Variants in TMEM132D observed in about 807,000 individuals in gnomAD.
TMEM132D encodes the protein transmembrane protein 132D.
Under a neutral mutation model 62.3 loss-of-function variants are expected in TMEM132D, and 21 were observed. The ratio of observed to expected loss-of-function variants is 0.34; its 90% CI spans 0.24 to 0.49. The LOEUF (loss-of-function observed/expected upper bound fraction) is 0.49. Ranked by LOEUF, TMEM132D falls within the 20% of genes least tolerant of loss-of-function variation. The pLI is 0.99. For synonymous variants in TMEM132D, 621 were observed against 575.6 expected, an observed-to-expected ratio of 1.08 and a Z score of -1.13; for missense variants, 1,346 against 1,402.8, an observed-to-expected ratio of 0.96 and a Z score of 0.65.
chr12:129,319,393 G>T (rs751938377), intron 4 of TMEM132D, among the ~76,000 whole-genome samples: 3 of 152,196 alleles, frequency 2.0e-5, no homozygotes, highest in Non-Finnish European at 4.4e-5. Flanking sequence ...GGGGGTGTGT[G>T]TTTGGGAGAG....
chr12:129,654,193 G>A (rs958338836), intron 2 of TMEM132D, among the ~76,000 whole-genome samples: 3 of 151,924 alleles, frequency 2.0e-5, no homozygotes, highest in African/African-American at 7.3e-5. Flanking sequence ...TGGCCACTGG[G>A]AGCTCTTTCC....
intron 3 of TMEM132D, among the ~76,000 whole-genome samples, chr12:129,477,351 C>G (rs1874294355): frequency 6.6e-6 from 1 of 152,200 alleles, no homozygotes; most frequent in Non-Finnish European, 1.5e-5. Flanking sequence ...TTGACATACA[C>G]CGATCTCATC....
At chr12:129,269,636 G>T (rs976020096) in intron 4 of TMEM132D, among the ~76,000 whole-genome samples, 1 of 152,114 alleles carries the variant, frequency 6.6e-6, no homozygotes, top group African/African-American at 2.4e-5. Context: ...AGGATAGGAT[G>T]ACCCACGAAG....
rs558267235 is a variant in TMEM132D at position 129,480,453 on chromosome 12, A to G, written c.1115+50606T>C. On this transcript the variant is annotated intron_variant, in intron 3 of 8. Transcript: ENST00000422113. ...ATGCAGGGAGCAGACAGGGAAGGAC[A>G]AAGCTCAGCTAGGCGGTCCTTGGTC... 2.0e-5 allele frequency among the ~76,000 whole-genome samples: 3 copies of G among 152,374 alleles called. No individual in the cohort carries two copies. The South Asian group carries it at 6.2e-4, about 32-fold the overall frequency.
At chr12:129,102,001 T>C (rs1305043024) in intron 5 of TMEM132D, among the ~76,000 whole-genome samples, 1 of 88,750 alleles carries the variant, frequency 1.1e-5, no homozygotes, top group Non-Finnish European at 2.0e-5. Context: ...TTTTTTTTTC[T>C]CTCTCTCTCT....
At chr12:129,602,642 T>C (rs1016574802) in intron 2 of TMEM132D, among the ~76,000 whole-genome samples, 44 of 152,040 alleles carry the variant, frequency 2.9e-4, no homozygotes, top group Admixed American at 2.8e-3. Flanking sequence ...TTCAGAGCAG[T>C]TATAAGTTCA....
intron 3 of TMEM132D, among the ~76,000 whole-genome samples, chr12:129,511,499 T>C (rs1875495407): frequency 1.3e-5 from 2 of 152,364 alleles, no homozygotes; most frequent in African/African-American, 4.8e-5. Flanking sequence ...TTTGTCAGTC[T>C]TTTAAAATTT....
At chr12:129,443,606 A>C (rs1170535335) in intron 3 of TMEM132D, among the ~76,000 whole-genome samples, 1 of 149,926 alleles carries the variant, frequency 6.7e-6, no homozygotes. Context: ...TATTCTTTCC[A>C]TCTCCATTTC....
chr12:129,073,799 C>A lies in TMEM132D; in HGVS notation c.*76G>T. 3.1e-6 allele frequency: 4 copies of A among 1,303,186 alleles called. No individual in the cohort carries two copies. The highest frequency in any genetic ancestry group is 4.2e-6 in the Non-Finnish European group (4 of 942,862). 80.7% of individuals were successfully genotyped at this position (1,303,186 alleles called of 1,614,324 possible). On this transcript the variant is annotated 3_prime_UTR_variant, in exon 9 of 9. Transcript: ENST00000422113. The stretch of plus-strand genomic sequence containing the variant: ...TTGTCCTGCTGCTTTGTTTCTCTTC[C>A]GGGGGCACCGTTGCTACACATCCTG...
intron 5 of TMEM132D, among the ~76,000 whole-genome samples, chr12:129,112,890 TGCTGTGA>T (rs1875767404): frequency 1.3e-5 from 2 of 152,322 alleles, no homozygotes; most frequent in South Asian, 4.1e-4. Context: ...AACCTCTTCT[TGCTGTGA>T]GTGTGAAGGG....
chr12:129,331,243 C>T (rs1247061364), intron 4 of TMEM132D, among the ~76,000 whole-genome samples: 1 of 152,206 alleles, frequency 6.6e-6, no homozygotes, highest in African/African-American at 2.4e-5. Context: ...ACATTTGATT[C>T]TTCACTTTTG....
At chr12:129,116,823 C>T (rs551864989) in intron 5 of TMEM132D, among the ~76,000 whole-genome samples, 4 of 141,544 alleles carry the variant, frequency 2.8e-5, no homozygotes, top group South Asian at 4.5e-4. Flanking sequence ...CTTTGGAAGA[C>T]AGTTTGGTAG....
At chr12:129,076,161 G>A (rs866627203) in intron 8 of TMEM132D, among the ~76,000 whole-genome samples, 16 of 152,284 alleles carry the variant, frequency 1.1e-4, no homozygotes, top group Middle Eastern at 6.8e-3. Flanking sequence ...ATGTGTAGTG[G>A]GGGCACATAT....
intron 1 of TMEM132D, among the ~76,000 whole-genome samples, chr12:129,759,227 C>T (rs143133377): frequency 0.012 from 1,902 of 152,294 alleles, 40 homozygotes; most frequent in African/African-American, 0.042. Context: ...AGCCACCACG[C>T]CGGGTCACGT....
intron 1 of TMEM132D, among the ~76,000 whole-genome samples, chr12:129,864,546 G>A (rs906468434): frequency 1.3e-5 from 2 of 152,142 alleles, no homozygotes; most frequent in Non-Finnish European, 2.9e-5. Flanking sequence ...CCTGAAGTTT[G>A]GAGGATGTAA....
intron 5 of TMEM132D, among the ~76,000 whole-genome samples, chr12:129,120,225 A>G (rs1876015447): frequency 6.6e-6 from 1 of 152,216 alleles, no homozygotes; most frequent in Non-Finnish European, 1.5e-5. Context: ...CACTACACCT[A>G]CATGGTGAGG....
At chr12:129,187,501 T>C (rs1198347514) in intron 5 of TMEM132D, among the ~76,000 whole-genome samples, 2 of 152,174 alleles carry the variant, frequency 1.3e-5, no homozygotes, top group African/African-American at 4.8e-5. Flanking sequence ...GTCTGAAATA[T>C]TATTACTTAA....
chr12:129,727,283 G>T (rs1444029668), intron 1 of TMEM132D, among the ~76,000 whole-genome samples: 4 of 152,218 alleles, frequency 2.6e-5, no homozygotes, highest in Non-Finnish European at 5.9e-5. Flanking sequence ...CTGGCATCCT[G>T]CCAGGATCTC....
At chr12:129,651,135 C>CTG (rs1238266272) in intron 2 of TMEM132D, among the ~76,000 whole-genome samples, 1 of 152,130 alleles carries the variant, frequency 6.6e-6, no homozygotes, top group Non-Finnish European at 1.5e-5. Context: ...GTTATCATGT[C>CTG]TGTGTGTGTA....
Sources: gnomAD v4.1 joint callset for allele counts (sites outside exome capture counted in the v4.1 genomes callset) on GRCh38, gnomAD v4.1.1 for gene constraint, MANE v1.5 for transcripts, NCBI Gene and HGNC (gene_info 2026-07-23, HGNC 2026-07-21) for gene names.